TMEM240: variants seen among roughly 807,000 people sequenced by gnomAD.
TMEM240 encodes transmembrane protein 240.
In TMEM240, 3 loss-of-function variants were observed where a neutral mutation model predicts 19.5. The observed-to-expected ratio is 0.15, with a 90% CI of 0.07 to 0.40. TMEM240 has a LOEUF of 0.40. Ranked by LOEUF, TMEM240 falls within the 10% of genes least tolerant of loss-of-function variation. The pLI, the probability that TMEM240 is intolerant of heterozygous loss-of-function variation, is 1.00. For synonymous variants in TMEM240, 123 were observed against 109.3 expected (o/e 1.13, Z -0.78); for missense variants, 210 against 253.5 (o/e 0.83, Z 1.17).
rs751706022 is a variant in TMEM240, at chr1:1,535,500, C to G, written c.381G>C (p.Ser127=). 3 of 1,546,588 alleles carry G rather than the reference C, an allele frequency of 1.9e-6. No individual in the cohort carries two copies. Among genetic ancestry groups the G allele is most frequent in the South Asian group, 2.4e-5 (2 of 83,810 alleles). The change falls in exon 4 of 4, where the codon TCG becomes TCC. Residue 127 remains serine (S), a synonymous_variant. Coordinates refer to ENST00000378733, the MANE Select transcript of TMEM240 (RefSeq NM_001114748.2). This position sits in a 1 kb window ranked among gnomAD's most constrained non-coding sequence, Gnocchi z 8.2. ...TGCACAGCTTGGGCAGCCAGGTCCA[C>G]GAGCCATCTGCGGGGGGACAGGGGC... The part of the protein sequence containing the change: ...AWRAGRRYDG[S]WTWLPKLCSL...
rs1442785127 is a variant in TMEM240, at chr1:1,536,224, G to T, written c.165-427C>A. On this transcript the variant is annotated intron_variant, in intron 2 of 3. Transcript: ENST00000378733. The surrounding 1 kb of genome is among the most constrained non-coding windows in gnomAD (Gnocchi z 5.4). The stretch of plus-strand genomic sequence containing the variant: ...CCCGGGGCCGCGGAGGCCACTTGGA[G>T]CAGAGCTGGACACAGGGAGCCCTGC... Among the ~76,000 whole-genome samples the T allele has an allele frequency of 6.6e-6, 1 of 152,128 alleles. No individual in the cohort carries two copies. The highest frequency in any genetic ancestry group is 1.5e-5 in the Non-Finnish European group (1 of 67,988).
chr1:1,536,322 G>A lies in TMEM240; in HGVS notation c.165-525C>T, dbSNP rs1031219561. On this transcript the variant is annotated intron_variant, in intron 2 of 3. Coordinates refer to ENST00000378733, the MANE Select transcript of TMEM240 (RefSeq NM_001114748.2). The surrounding 1 kb of genome is among the most constrained non-coding windows in gnomAD (Gnocchi z 5.4). Reference sequence around the variant, plus strand: ...CCCTTTCCTCCACGGCTGCCACCGCGCCTGCCAGGCCCACTGCCCCTGGTG... The same window carrying A: ...CCCTTTCCTCCACGGCTGCCACCGCACCTGCCAGGCCCACTGCCCCTGGTG... Among the ~76,000 whole-genome samples the A allele has an allele frequency of 5.3e-5, 8 of 152,100 alleles. No individual in the cohort carries two copies. Among genetic ancestry groups the A allele is most frequent in the African/African-American group, 9.7e-5 (4 of 41,412 alleles).
intron 2 of TMEM240, chr1:1,539,448 C>T: frequency 1.8e-6 from 1 of 556,020 alleles, no homozygotes; most frequent in African/African-American, 1.9e-5. Flanking sequence ...GACCAGGAGG[C>T]CCCGTGACCC....
Position 1,535,609 on chromosome 1 carries a change from C to A in TMEM240, c.353G>T (p.Trp118Leu). Reference protein sequence around the residue: ...DGVLHCAVRAWRAGRRYDGSW... With the variant: ...DGVLHCAVRALRAGRRYDGSW... ...CTCACCGTAGCGCCGTCCGGCTCTCCAGGCGCGCACGGCGCAGTGCAGGAC... is the reference window on the plus strand; with the variant it reads ...CTCACCGTAGCGCCGTCCGGCTCTCAAGGCGCGCACGGCGCAGTGCAGGAC... The change falls in exon 3 of 4, where the codon TGG (tryptophan) becomes TTG (leucine). Residue 118 changes from tryptophan to leucine, a missense_variant. Trp to Leu is a moderately conservative substitution (Grantham distance 61). Around this residue, in one of 3 missense-constraint regions of TMEM240, gnomAD observed 157 missense variants for 168.2 expected, o/e 0.93. Transcript: ENST00000378733. This position sits in a 1 kb window ranked among gnomAD's most constrained non-coding sequence, Gnocchi z 8.2. 6.5e-7 allele frequency: 1 copy of A among 1,549,608 alleles called. No homozygotes were observed. Among genetic ancestry groups the A allele is most frequent in the Non-Finnish European group, 8.7e-7 (1 of 1,146,456 alleles).
Position 1,535,830 on chromosome 1 carries a change from C to T in TMEM240, c.165-33G>A, listed in dbSNP as rs1295055439. The T allele has an allele frequency of 1.4e-5, 21 of 1,539,050 alleles. No individual in the cohort carries two copies. Among genetic ancestry groups the T allele is most frequent in the South Asian group, 4.8e-5 (4 of 83,818 alleles). ...CGGCAGGGCGGGCTGGCACCTCTCC[C>T]GCCACCCCCGGCCTGGCCTTCCCCC... On this transcript the variant is annotated intron_variant, in intron 2 of 3. Transcript: ENST00000378733. The surrounding 1 kb of genome is among the most constrained non-coding windows in gnomAD (Gnocchi z 8.2).
chr1:1,538,385 A>G (rs903393385), intron 2 of TMEM240, among the ~76,000 whole-genome samples: 3 of 152,170 alleles, frequency 2.0e-5, no homozygotes, highest in Non-Finnish European at 2.9e-5. Flanking sequence ...GCCGCCCTAC[A>G]TGCCCTGTGC....
rs1285436401 is a variant in TMEM240, at chr1:1,535,236, A to G, written c.*123T>C. ...CCACTGGACTCTCCCGGCCGGCCAC[A>G]GCCCCGGACAACCTGGGCCCAGGGC... On this transcript the variant is annotated 3_prime_UTR_variant, in exon 4 of 4. Transcript: ENST00000378733. This position sits in a 1 kb window ranked among gnomAD's most constrained non-coding sequence, Gnocchi z 8.2. 1.8e-6 allele frequency: 2 copies of G among 1,113,928 alleles called. No individual in the cohort carries two copies. Among genetic ancestry groups the G allele is most frequent in the African/African-American group, 3.4e-5 (2 of 58,106 alleles). 69.0% of individuals were successfully genotyped at this position (1,113,928 alleles called of 1,614,324 possible). A position where few individuals can be genotyped will look rare whatever the true frequency, so the allele number is the denominator to read the frequency against.
In TMEM240 at chr1:1,536,958, C is replaced by T. The variant is rs1642232800; in HGVS notation, c.165-1161G>A. On this transcript the variant is annotated intron_variant, in intron 2 of 3. Transcript: ENST00000378733. The surrounding 1 kb of genome is among the most constrained non-coding windows in gnomAD (Gnocchi z 5.4). ...CGTAGCAGCGCCTCAGCCTGGTTTT[C>T]AGCCGAGACCCAGAGACCACCCCAC... 6.6e-6 allele frequency among the ~76,000 whole-genome samples: 1 copy of T among 152,124 alleles called. No homozygotes were observed. Among genetic ancestry groups the T allele is most frequent in the South Asian group, 2.1e-4 (1 of 4,816 alleles).
Position 1,535,546 on chromosome 1 carries a change from C to G in TMEM240, c.374-39G>C, listed in dbSNP as rs747363918. ...GGGGCGGTCAGGCGGCTGGGGCCGGCCAGGGCGGCAGCACTCCCGGGCGGC... is the reference window on the plus strand; with the variant it reads ...GGGGCGGTCAGGCGGCTGGGGCCGGGCAGGGCGGCAGCACTCCCGGGCGGC... On this transcript the variant is annotated intron_variant, in intron 3 of 3. Transcript: ENST00000378733. The surrounding 1 kb of genome is among the most constrained non-coding windows in gnomAD (Gnocchi z 8.2). 1.9e-5 allele frequency: 30 copies of G among 1,540,416 alleles called. No individual in the cohort carries two copies. The highest frequency in any genetic ancestry group is 2.5e-5 in the Non-Finnish European group (28 of 1,141,712).
intron 2 of TMEM240, 65 bp downstream of exon 2, chr1:1,539,619 C>T (rs1477689935): frequency 4.2e-6 from 6 of 1,431,832 alleles, no homozygotes; most frequent in Non-Finnish European, 5.7e-6. Flanking sequence ...TCCCCCGCGC[C>T]CCGAGTGGGC....
rs952117267 is a variant in TMEM240 at position 1,535,472 on chromosome 1, G to A, written c.409C>T (p.Leu137=). Reference sequence around the variant, plus strand: ...TGCGGCCGCCGGCCCAGCTCCCGCAGGCTGCACAGCTTGGGCAGCCAGGTC... The same window carrying A: ...TGCGGCCGCCGGCCCAGCTCCCGCAAGCTGCACAGCTTGGGCAGCCAGGTC... ...SWTWLPKLCS[L]RELGRRPHRP... Residue 137 remains leucine (L), a synonymous_variant, in exon 4 of 4, where the codon CTG becomes TTG. Coordinates refer to ENST00000378733, the MANE Select transcript of TMEM240 (RefSeq NM_001114748.2). This position sits in a 1 kb window ranked among gnomAD's most constrained non-coding sequence, Gnocchi z 8.2. The A allele has an allele frequency of 1.9e-5, 29 of 1,548,678 alleles. No homozygotes were observed. The highest frequency in any genetic ancestry group is 2.4e-5 in the Non-Finnish European group (28 of 1,146,170).
rs1037413085 is a variant in TMEM240 at position 1,540,539 on chromosome 1, G to A, written c.-193C>T. On this transcript the variant is annotated 5_prime_UTR_variant, in exon 1 of 4. Coordinates refer to ENST00000378733, the MANE Select transcript of TMEM240 (RefSeq NM_001114748.2). ...GGGGGGCGCCGGGGAGGGACGCGGG[G>A]CCTTTCTGGGGTCTCTCGGCCCGGC... The A allele has an allele frequency of 4.1e-5, 7 of 171,576 alleles. No individual in the cohort carries two copies. Among genetic ancestry groups the A allele is most frequent in the Non-Finnish European group, 8.6e-5 (7 of 81,690 alleles). 10.6% of individuals were successfully genotyped at this position (171,576 alleles called of 1,614,324 possible). A position where few individuals can be genotyped will look rare whatever the true frequency, so the allele number is the denominator to read the frequency against.
At chr1:1,538,254 A>G (rs1001413772) in intron 2 of TMEM240, among the ~76,000 whole-genome samples, 2 of 152,236 alleles carry the variant, frequency 1.3e-5, no homozygotes, top group Non-Finnish European at 2.9e-5. Context: ...TGAACAGAGC[A>G]TAGATACATG....
chr1:1,536,070 G>A lies in TMEM240; in HGVS notation c.165-273C>T, dbSNP rs981943729. On this transcript the variant is annotated intron_variant, in intron 2 of 3. Coordinates refer to ENST00000378733, the MANE Select transcript of TMEM240 (RefSeq NM_001114748.2). The surrounding 1 kb of genome is among the most constrained non-coding windows in gnomAD (Gnocchi z 5.4). Reference sequence around the variant, plus strand: ...GGGACCAGCTGCCGGCGAGGGTGTCGGCCCTCACTCAGCACCTCCTCCCTG... The same window carrying A: ...GGGACCAGCTGCCGGCGAGGGTGTCAGCCCTCACTCAGCACCTCCTCCCTG... Among the ~76,000 whole-genome samples the A allele has an allele frequency of 8.5e-5, 13 of 152,086 alleles. No homozygotes were observed. Among genetic ancestry groups the A allele is most frequent in the Non-Finnish European group, 1.3e-4 (9 of 67,984 alleles).
In TMEM240 at chr1:1,539,810, G is replaced by A; in HGVS notation, c.58-20C>T. 6.5e-7 allele frequency: 1 copy of A among 1,542,846 alleles called. No individual in the cohort carries two copies. The highest frequency in any genetic ancestry group is 8.7e-7 in the Non-Finnish European group (1 of 1,143,516). On this transcript the variant is annotated intron_variant, in intron 1 of 3. Coordinates refer to ENST00000378733, the MANE Select transcript of TMEM240 (RefSeq NM_001114748.2). Reference sequence around the variant, plus strand: ...GATGGCCTGGAAGAGCTCATGACCGGTCAGCGCCAAGGAGCGGGCGGGACG... The same window carrying A: ...GATGGCCTGGAAGAGCTCATGACCGATCAGCGCCAAGGAGCGGGCGGGACG...
rs1287003226 is a variant in TMEM240 at position 1,535,412 on chromosome 1, G to T, written c.469C>A (p.His157Asn). ...TTGTGGTAGAGTTTCTGCTTCACGT[G>T]TACCATGTTCCCGGCGGCCTCCTCG... is the stretch of plus-strand genomic sequence containing the variant. ...PFEEAAGNMV[H>N]VKQKLYHNGH... Residue 157 changes from histidine to asparagine, a missense_variant, in exon 4 of 4, where the codon CAC becomes AAC. Transcript: ENST00000378733. The surrounding 1 kb of genome is among the most constrained non-coding windows in gnomAD (Gnocchi z 8.2). 12 of 1,549,818 alleles carry T rather than the reference G, an allele frequency of 7.7e-6. No individual in the cohort carries two copies. Among genetic ancestry groups the T allele is most frequent in the Non-Finnish European group, 1.0e-5 (12 of 1,146,506 alleles).
rs1294638206 is a variant in TMEM240 at position 1,535,350 on chromosome 1, C to T, written c.*9G>A. 1 of 1,548,754 alleles carries T rather than the reference C, an allele frequency of 6.5e-7. No individual in the cohort carries two copies. The highest frequency in any genetic ancestry group is 1.2e-5 in the South Asian group (1 of 83,840). ...TTGGCTCGGTGGCCCCGGTAAGTCC[C>T]CGTGCGGCTCACAGGTGCCGCGGGC... is the stretch of plus-strand genomic sequence containing the variant. On this transcript the variant is annotated 3_prime_UTR_variant, in exon 4 of 4. Coordinates refer to ENST00000378733, the MANE Select transcript of TMEM240 (RefSeq NM_001114748.2). This position sits in a 1 kb window ranked among gnomAD's most constrained non-coding sequence, Gnocchi z 8.2.
rs540889789 is a variant in TMEM240 at position 1,538,797 on chromosome 1, G to A, written c.164+887C>T. Among the ~76,000 whole-genome samples the A allele has an allele frequency of 3.9e-5, 6 of 152,328 alleles. No individual in the cohort carries two copies. The South Asian group carries it at 8.3e-4, about 21-fold the overall frequency. ...GAACACACATGCCCCACACCCACAC[G>A]TATGCACAGAGACCCCCGGAGCAGG... On this transcript the variant is annotated intron_variant, in intron 2 of 3. Transcript: ENST00000378733.
At chr1:1,539,897 G>T in intron 1 of TMEM240, 107 bp from the exon 2 acceptor site, 1 of 963,740 alleles carries the variant, frequency 1.0e-6, no homozygotes, top group Non-Finnish European at 1.5e-6. Context: ...GGGAGCGAGA[G>T]CGCAGGCCGG....
Sources: allele counts gnomAD v4.1 joint callset (sites outside exome capture counted in the v4.1 genomes callset), GRCh38; gene constraint gnomAD v4.1.1; regional missense constraint gnomAD v4.1.1; non-coding constraint Gnocchi (gnomAD v3.1); transcripts MANE v1.5; gene names NCBI Gene and HGNC (gene_info 2026-07-23, HGNC 2026-07-21).